The following DPP9 variants were observed in gnomAD, a reference collection of about 807,000 sequenced individuals.
The protein encoded by DPP9 is dipeptidyl peptidase 9, also known as dipeptidyl peptidase IV-related protein-2.
A neutral mutation model predicts 110.7 loss-of-function variants in DPP9; 50 were observed. The observed-to-expected ratio is 0.45, with a 90% CI of 0.36 to 0.57. DPP9 has a LOEUF of 0.57. Ranked by LOEUF, DPP9 falls within the 20% of genes least tolerant of loss-of-function variation. The pLI is 0.00. For missense variants in DPP9, 1,022 were observed against 1,217.9 expected (o/e 0.84, Z 2.39); for synonymous variants, 561 against 514.4 (o/e 1.09, Z -1.23).
At chr19:4,691,763 C>T (rs1038256963) in intron 13 of DPP9, among the ~76,000 whole-genome samples, 2 of 151,188 alleles carry the variant, frequency 1.3e-5, no homozygotes, top group East Asian at 3.9e-4. Flanking sequence ...CTGCAACCTC[C>T]GTCTCCTGGG....
At chr19:4,681,909 C>T (rs1042391360) in intron 20 of DPP9, among the ~76,000 whole-genome samples, 4 of 147,022 alleles carry the variant, frequency 2.7e-5, no homozygotes, top group Admixed American at 2.1e-4. Flanking sequence ...TGCAGTGGCG[C>T]ACGATCTCGG....
rs772710599 is a variant in DPP9, at chr19:4,684,789, G to A, written c.2052C>T (p.Ser684=). The A allele has an allele frequency of 2.5e-6, 4 of 1,598,100 alleles. No homozygotes were observed. The Admixed American group carries it at 5.3e-5, about 21-fold the overall frequency. ...GGPQVQLVNN[S]FKGIKYLRLN... The stretch of plus-strand genomic sequence containing the variant: ...GCCGCAAGTACTTGATGCCTTTGAA[G>A]GAGTTATTCACCAGCTGCACCTGTG... Residue 684 remains serine, a synonymous_variant, in exon 18 of 22, where the codon TCC becomes TCT. Transcript: ENST00000262960. This position sits in a 1 kb window ranked among gnomAD's most constrained non-coding sequence, Gnocchi z 4.8.
intron 16 of DPP9, among the ~76,000 whole-genome samples, chr19:4,686,379 G>A (rs1383292866): frequency 1.3e-5 from 2 of 150,406 alleles, no homozygotes; most frequent in African/African-American, 2.5e-5. Flanking sequence ...CAATGCAGTG[G>A]CACGATCTTG....
At position 4,694,155 on chromosome 19, in the gene DPP9, TC is replaced by T. The variant is rs891768168; in HGVS notation, c.1516+505del. On this transcript the variant is annotated intron_variant, in intron 13 of 21. Transcript: ENST00000262960. The surrounding 1 kb of genome is among the most constrained non-coding windows in gnomAD (Gnocchi z 4.0). ...TCCCAAGAGCAGGGATTTTCCTTTTTCTTTATTTACAGTGAACAATTCCATC... is the reference window on the plus strand; with the variant it reads ...TCCCAAGAGCAGGGATTTTCCTTTTTTTTATTTACAGTGAACAATTCCATC... 6.6e-6 allele frequency among the ~76,000 whole-genome samples: 1 copy of T among 152,220 alleles called. No individual in the cohort carries two copies. The highest frequency in any genetic ancestry group is 1.5e-5 in the Non-Finnish European group (1 of 68,052).
rs2091553130 is a variant in DPP9 at position 4,693,910 on chromosome 19, C to G, written c.1516+751G>C. Among the ~76,000 whole-genome samples, 1 of 152,086 alleles carries G rather than the reference C, an allele frequency of 6.6e-6. No individual in the cohort carries two copies. The highest frequency in any genetic ancestry group is 2.4e-5 in the African/African-American group (1 of 41,450). On this transcript the variant is annotated intron_variant, in intron 13 of 21. Transcript: ENST00000262960. This position sits in a 1 kb window ranked among gnomAD's most constrained non-coding sequence, Gnocchi z 5.0. ...CATGCCAGGAACAGTCCTGCCTGCC[C>G]CAGGGCCTTTGTACGGGCTGTGGCT...
In DPP9 at chr19:4,702,588, A is replaced by G; in HGVS notation, c.883+15T>C. 6.4e-7 allele frequency: 1 copy of G among 1,571,882 alleles called. No homozygotes were observed. Among genetic ancestry groups the G allele is most frequent in the Non-Finnish European group, 8.7e-7 (1 of 1,155,528 alleles). On this transcript the variant is annotated intron_variant, in intron 8 of 21. Coordinates refer to ENST00000262960, the MANE Select transcript of DPP9 (RefSeq NM_139159.5). ...AGCACGCCCGGGAGCATGTTGAAAA[A>G]TGGAAGGGACCTACCTTCCCAGGAG...
rs746580721 is a variant in DPP9, at chr19:4,702,662, A to G, written c.824T>C (p.Ile275Thr). The change falls in exon 8 of 22, where the codon ATA becomes ACA. Residue 275 changes from isoleucine to threonine, a missense_variant. By Grantham distance (89) the Ile-to-Thr change is moderately conservative. Transcript: ENST00000262960. Reference sequence around the variant, plus strand: ...AGTGAAGCGGTCGAACTCTTCCTGTATGACGAAGGTGGCCACACCCGCAGA... The same window carrying G: ...AGTGAAGCGGTCGAACTCTTCCTGTGTGACGAAGGTGGCCACACCCGCAGA... The part of the protein sequence containing the change: ...PKSAGVATFV[I>T]QEEFDRFTGY... 2 of 1,604,858 alleles carry G rather than the reference A, an allele frequency of 1.2e-6. No homozygotes were observed. Among genetic ancestry groups the G allele is most frequent in the South Asian group, 1.1e-5 (1 of 89,270 alleles).
At position 4,685,980 on chromosome 19, in the gene DPP9, G is replaced by A; in HGVS notation, c.1886-209C>T. The stretch of plus-strand genomic sequence containing the variant: ...TGTAGAGATGGGGTCTTGTCTCCCT[G>A]TTGCCCAGGCTGGTCTCGACTTCCT... On this transcript the variant is annotated intron_variant, in intron 16 of 21. Transcript: ENST00000262960. This position sits in a 1 kb window ranked among gnomAD's most constrained non-coding sequence, Gnocchi z 5.8. 1 of 543,654 alleles carries A rather than the reference G, an allele frequency of 1.8e-6. No individual in the cohort carries two copies. The highest frequency in any genetic ancestry group is 5.2e-4 in the Middle Eastern group (1 of 1,920). 33.7% of individuals were successfully genotyped at this position (543,654 alleles called of 1,614,324 possible).
rs983664981 is a variant in DPP9 at position 4,718,862 on chromosome 19, A to T, written c.56+989T>A. On this transcript the variant is annotated intron_variant, in intron 3 of 21. Coordinates refer to ENST00000262960, the MANE Select transcript of DPP9 (RefSeq NM_139159.5). The surrounding 1 kb of genome is among the most constrained non-coding windows in gnomAD (Gnocchi z 4.3). ...CTCCATTGAAGCAAACAAGCCTAAGAGTATTAGAAAATTGAATACTGAGAA... is the reference window on the plus strand; with the variant it reads ...CTCCATTGAAGCAAACAAGCCTAAGTGTATTAGAAAATTGAATACTGAGAA... Among the ~76,000 whole-genome samples the T allele has an allele frequency of 1.3e-5, 2 of 152,186 alleles. No individual in the cohort carries two copies. Among genetic ancestry groups the T allele is most frequent in the African/African-American group, 2.4e-5 (1 of 41,440 alleles).
At chr19:4,679,725 C>G (rs542589573) in intron 21 of DPP9, 110 bp downstream of exon 21, 3 of 796,932 alleles carry the variant, frequency 3.8e-6, no homozygotes, top group Non-Finnish European at 4.1e-6. Context: ...AGCCCCAGAT[C>G]CCCCAGGGAG....
Position 4,704,651 on chromosome 19 carries a change from A to C in DPP9, c.427-347T>G, listed in dbSNP as rs1261997957. 6.6e-6 allele frequency among the ~76,000 whole-genome samples: 1 copy of C among 152,166 alleles called. No individual in the cohort carries two copies. Among genetic ancestry groups the C allele is most frequent in the Non-Finnish European group, 1.5e-5 (1 of 68,016 alleles). On this transcript the variant is annotated intron_variant, in intron 5 of 21. Coordinates refer to ENST00000262960, the MANE Select transcript of DPP9 (RefSeq NM_139159.5). The surrounding 1 kb of genome is among the most constrained non-coding windows in gnomAD (Gnocchi z 6.0). ...GGCTGTCCCTGCCCCACACCACCGG[A>C]GTACTCTCTCCGGGTCCCTAGTGCC...
chr19:4,713,601 C>T (rs756027668), intron 4 of DPP9, among the ~76,000 whole-genome samples: 6 of 152,220 alleles, frequency 3.9e-5, no homozygotes, highest in African/African-American at 1.2e-4. Context: ...GCGGCTTTCC[C>T]GGAACCTCGG....
At chr19:4,702,772 G>A in intron 7 of DPP9, 56 bp from the exon 8 acceptor site, 1 of 1,175,584 alleles carries the variant, frequency 8.5e-7, no homozygotes, top group Non-Finnish European at 1.2e-6. Flanking sequence ...TAACACTGGG[G>A]ACAGCCAGGG....
intron 19 of DPP9, 174 bp downstream of exon 19, chr19:4,683,303 G>A: frequency 6.9e-7 from 1 of 1,443,520 alleles, no homozygotes; most frequent in Non-Finnish European, 9.1e-7. Flanking sequence ...AATGAGGAGG[G>A]GGGCTCGGCC....
chr19:4,706,381 G>A (rs2092588086), intron 4 of DPP9, among the ~76,000 whole-genome samples: 1 of 150,686 alleles, frequency 6.6e-6, no homozygotes, highest in Non-Finnish European at 1.5e-5. Flanking sequence ...AAAATAAATC[G>A]CACACAAGAG....
chr19:4,678,358 C>T (rs1335964599), intron 21 of DPP9, among the ~76,000 whole-genome samples: 1 of 152,240 alleles, frequency 6.6e-6, no homozygotes, highest in African/African-American at 2.4e-5. Flanking sequence ...AGTGATCCAC[C>T]CGCCTCAGCC....
chr19:4,713,934 T>C, intron 4 of DPP9, 147 bp downstream of exon 4: 1 of 1,307,134 alleles, frequency 7.7e-7, no homozygotes, highest in Non-Finnish European at 1.0e-6. Context: ...GAGCTGTCTG[T>C]GGCTGAGCCT....
rs1018797896 is a variant in DPP9, at chr19:4,693,925, G to T, written c.1516+736C>A. ...CCTGCCTGCCCCAGGGCCTTTGTAC[G>T]GGCTGTGGCTCTGCCCAGAGCCGTG... On this transcript the variant is annotated intron_variant, in intron 13 of 21. Coordinates refer to ENST00000262960, the MANE Select transcript of DPP9 (RefSeq NM_139159.5). This position sits in a 1 kb window ranked among gnomAD's most constrained non-coding sequence, Gnocchi z 5.0. Among the ~76,000 whole-genome samples the T allele has an allele frequency of 6.6e-6, 1 of 151,856 alleles. No individual in the cohort carries two copies. The highest frequency in any genetic ancestry group is 2.4e-5 in the African/African-American group (1 of 41,318).
In DPP9 at chr19:4,704,434, T is replaced by C. The variant is rs1476164747; in HGVS notation, c.427-130A>G. On this transcript the variant is annotated intron_variant, in intron 5 of 21. Coordinates refer to ENST00000262960, the MANE Select transcript of DPP9 (RefSeq NM_139159.5). This position sits in a 1 kb window ranked among gnomAD's most constrained non-coding sequence, Gnocchi z 6.0. ...TCGGGCCTCGCCAGAGAGAACTTCC[T>C]GTACTGGGCAGAATTGGCTGCCGGA... The C allele has an allele frequency of 2.6e-6, 3 of 1,160,406 alleles. No homozygotes were observed. Among genetic ancestry groups the C allele is most frequent in the African/African-American group, 3.1e-5 (2 of 65,000 alleles). The allele number at this position is 1,160,406 out of a possible 1,614,324, so 71.9% of individuals were successfully genotyped here.
Sources: allele counts gnomAD v4.1 joint callset (sites outside exome capture counted in the v4.1 genomes callset), GRCh38; gene constraint gnomAD v4.1.1; non-coding constraint Gnocchi (gnomAD v3.1); transcripts MANE v1.5; gene names NCBI Gene and HGNC (gene_info 2026-07-23, HGNC 2026-07-21).